TAAR2: variants seen among roughly 807,000 people sequenced by gnomAD.
TAAR2 encodes the protein trace amine-associated receptor 2.
TAAR2 carries 30 observed loss-of-function variants against 25.5 expected under a neutral mutation model. The ratio of observed to expected loss-of-function variants is 1.18; its 90% CI spans 0.88 to 1.60. The LOEUF (loss-of-function observed/expected upper bound fraction) is 1.60. TAAR2 is among the 40% of genes most tolerant of loss of function. The probability of loss-of-function intolerance (pLI) is 0.00; values close to 1 mark genes in which losing one functional copy is unlikely to be tolerated. For missense variants in TAAR2, 481 were observed against 416.5 expected, an observed-to-expected ratio of 1.15 and a Z score of -1.35; for synonymous variants, 150 against 142.4, an observed-to-expected ratio of 1.05 and a Z score of -0.38.
chr6:132,620,319 AC>A (rs1358693813), intron 1 of TAAR2, among the ~76,000 whole-genome samples: 12 of 152,180 alleles, frequency 7.9e-5, no homozygotes, highest in Admixed American at 2.0e-4. Flanking sequence ...TATATCTGCC[AC>A]CTGGGTGATT....
intron 1 of TAAR2, among the ~76,000 whole-genome samples, chr6:132,622,610 T>G (rs953586276): frequency 2.6e-5 from 4 of 151,174 alleles, no homozygotes; most frequent in South Asian, 2.1e-4. Context: ...CTCAGCTTCC[T>G]GAGTAGCTGG....
chr6:132,621,091 T>C (rs1013940269), intron 1 of TAAR2, among the ~76,000 whole-genome samples: 1 of 151,652 alleles, frequency 6.6e-6, no homozygotes, highest in Non-Finnish European at 1.5e-5. Context: ...TTAAAAAGCG[T>C]AGGAAATCCA....
At chr6:132,623,081 C>T (rs1009229189) in intron 1 of TAAR2, among the ~76,000 whole-genome samples, 4 of 152,052 alleles carry the variant, frequency 2.6e-5, no homozygotes, top group Non-Finnish European at 5.9e-5. Context: ...AAATAATTAG[C>T]AGGTTCAAGT....
intron 1 of TAAR2, among the ~76,000 whole-genome samples, chr6:132,619,900 C>T (rs56823002): frequency 0.018 from 2,813 of 152,228 alleles, 67 homozygotes; most frequent in East Asian, 0.072. Flanking sequence ...GAAGAAAAGA[C>T]ACAAGGCTGT....
intron 1 of TAAR2, among the ~76,000 whole-genome samples, chr6:132,619,537 G>C (rs4406259): frequency 0.041 from 6,244 of 152,180 alleles, 174 homozygotes; most frequent in East Asian, 0.1. Flanking sequence ...ATCACAAAGA[G>C]AGTAAGACAT....
intron 1 of TAAR2, among the ~76,000 whole-genome samples, chr6:132,623,819 C>G (rs1777408742): frequency 6.6e-6 from 1 of 151,992 alleles, no homozygotes; most frequent in African/African-American, 2.4e-5. Context: ...GATTTTATCA[C>G]CTACAGCATT....
intron 1 of TAAR2, among the ~76,000 whole-genome samples, chr6:132,622,199 G>T (rs2114613413): frequency 6.6e-6 from 1 of 151,806 alleles, no homozygotes; most frequent in East Asian, 1.9e-4. Flanking sequence ...CATTCTGCTT[G>T]TGAATAAATA....
chr6:132,623,658 CTGAT>C (rs1777404385), intron 1 of TAAR2, among the ~76,000 whole-genome samples: 1 of 148,794 alleles, frequency 6.7e-6, no homozygotes, highest in Non-Finnish European at 1.5e-5. Context: ...GTGAGTTGTG[CTGAT>C]TTATAACTTA....
At chr6:132,621,724 T>C (rs1777377612) in intron 1 of TAAR2, among the ~76,000 whole-genome samples, 1 of 152,176 alleles carries the variant, frequency 6.6e-6, no homozygotes, top group Admixed American at 6.5e-5. Context: ...AGATAATTAG[T>C]TCTAAGTACT....
At chr6:132,619,908 T>A (rs1473253799) in intron 1 of TAAR2, among the ~76,000 whole-genome samples, 1 of 152,138 alleles carries the variant, frequency 6.6e-6, no homozygotes, top group East Asian at 1.9e-4. Context: ...GACACAAGGC[T>A]GTATGTGTTC....
At chr6:132,623,860 C>T (rs1240156915) in intron 1 of TAAR2, among the ~76,000 whole-genome samples, 1 of 152,024 alleles carries the variant, frequency 6.6e-6, no homozygotes, top group Non-Finnish European at 1.5e-5. Flanking sequence ...TACATAAAGG[C>T]TGTGAAAACA....
In TAAR2 at chr6:132,617,688, G is replaced by A; in HGVS notation, c.518C>T (p.Ala173Val). Residue 173 changes from alanine (A) to valine (V), a missense_variant, in exon 2 of 2, where the codon GCA (alanine) becomes GTA (valine). Ala to Val is a moderately conservative substitution (Grantham distance 64). Coordinates refer to ENST00000367931, the MANE Select transcript of TAAR2 (RefSeq NM_001033080.1). ...TGAGAAGACCACCCCGAAGGCAAAT[G>A]CTCCAGGGACCGACCAACATAGAAG... ...LLLLCWSVPG[A>V]FAFGVVFSEA... 1 of 1,613,868 alleles carries A rather than the reference G, an allele frequency of 6.2e-7. No homozygotes were observed. The highest frequency in any genetic ancestry group is 8.5e-7 in the Non-Finnish European group (1 of 1,179,980).
chr6:132,620,909 AG>A (rs748973423), intron 1 of TAAR2, among the ~76,000 whole-genome samples: 2 of 150,742 alleles, frequency 1.3e-5, no homozygotes, highest in African/African-American at 4.9e-5. Context: ...GAAAGAAAAA[AG>A]AAGAGAAGCG....
rs1212331542 is a variant in TAAR2 at position 132,617,535 on chromosome 6, A to C, written c.671T>G (p.Met224Arg). 1.9e-6 allele frequency: 3 copies of C among 1,613,890 alleles called. No homozygotes were observed. The highest frequency in any genetic ancestry group is 2.5e-6 in the Non-Finnish European group (3 of 1,179,988). ...AATTTTGCCATAAATCCCCACCATC[A>C]TAGACCCAGGAGTGAAGAAACCTGC... Reference protein sequence around the residue: ...FMAGFFTPGSMMVGIYGKIFA... With the variant: ...FMAGFFTPGSRMVGIYGKIFA... The change falls in exon 2 of 2, where the codon ATG (methionine) becomes AGG (arginine). Residue 224 changes from methionine (M) to arginine (R), a missense_variant. Transcript: ENST00000367931.
chr6:132,618,241 A>G, intron 1 of TAAR2, 96 bp from the exon 2 acceptor site: 1 of 1,147,950 alleles, frequency 8.7e-7, no homozygotes, highest in Non-Finnish European at 1.2e-6. Flanking sequence ...GGCAGAGAAG[A>G]ATCAAGGAAG....
At chr6:132,618,224 C>T in intron 1 of TAAR2, 79 bp from the exon 2 acceptor site, 1 of 1,293,930 alleles carries the variant, frequency 7.7e-7, no homozygotes. Flanking sequence ...TAGAAAAACT[C>T]AAGAAAGGCA....
chr6:132,618,204 T>C, intron 1 of TAAR2, 59 bp from the exon 2 acceptor site: 5 of 1,440,830 alleles, frequency 3.5e-6, no homozygotes, highest in Non-Finnish European at 3.7e-6. Flanking sequence ...ATGTTTTATA[T>C]ATGCTTTCAT....
At position 132,617,989 on chromosome 6, in the gene TAAR2, G is replaced by T. The variant is rs1420482097; in HGVS notation, c.217C>A (p.Gln73Lys). The change falls in exon 2 of 2, where the codon CAG becomes AAG. Residue 73 changes from glutamine (Q) to lysine (K), a missense_variant. By Grantham distance (53) the Gln-to-Lys change is moderately conservative (BLOSUM62 1). Transcript: ENST00000367931. ...AMIISISYFK[Q>K]LHTPTNFLIL... The stretch of plus-strand genomic sequence containing the variant: ...AGGAAGTTGGTTGGTGTGTGAAGCT[G>T]CTTGAAGTAGGAAATGGAAATTATC... 1 of 1,613,892 alleles carries T rather than the reference G, an allele frequency of 6.2e-7. No individual in the cohort carries two copies. The highest frequency in any genetic ancestry group is 1.3e-5 in the African/African-American group (1 of 74,922).
chr6:132,620,293 T>C (rs1777355378), intron 1 of TAAR2, among the ~76,000 whole-genome samples: 1 of 152,198 alleles, frequency 6.6e-6, no homozygotes, highest in Non-Finnish European at 1.5e-5. Flanking sequence ...ATTTGAGCAA[T>C]AGAACTAAAC....
Sources: allele counts gnomAD v4.1 joint callset (sites outside exome capture counted in the v4.1 genomes callset), GRCh38; gene constraint gnomAD v4.1.1; transcripts MANE v1.5; gene names NCBI Gene and HGNC (gene_info 2026-07-23, HGNC 2026-07-21).